Variants in SLC20A2 observed in about 807,000 individuals in gnomAD.
The protein encoded by SLC20A2 is sodium-dependent phosphate transporter 2.
In SLC20A2, 30 loss-of-function variants were observed where a neutral mutation model predicts 61.0. The ratio of observed to expected loss-of-function variants is 0.49; its 90% CI spans 0.37 to 0.67. SLC20A2 has a LOEUF of 0.67. Among genes scored for constraint, SLC20A2 ranks in the 30% least tolerant of loss-of-function variants. The pLI is 0.00. For missense variants in SLC20A2, 626 were observed against 866.4 expected (o/e 0.72, Z 3.48); for synonymous variants, 351 against 353.3 (o/e 0.99, Z 0.07).
intron 5 of SLC20A2, among the ~76,000 whole-genome samples, chr8:42,455,267 G>C (rs199914167): frequency 9.0e-6 from 1 of 111,672 alleles, no homozygotes; most frequent in Non-Finnish European, 2.1e-5. Flanking sequence ...TAGAGAGAGA[G>C]AGAGAGAGAG....
intron 1 of SLC20A2, among the ~76,000 whole-genome samples, chr8:42,533,612 C>T (rs1026774407): frequency 1.4e-5 from 2 of 145,748 alleles, no homozygotes; most frequent in Non-Finnish European, 3.0e-5. Context: ...ACCTGGGCAA[C>T]AAACTGTCCA....
chr8:42,495,012 A>G (rs1299234494), intron 1 of SLC20A2, among the ~76,000 whole-genome samples: 1 of 150,896 alleles, frequency 6.6e-6, no homozygotes, highest in Admixed American at 6.6e-5. Flanking sequence ...ACACTTGGCT[A>G]ATTTTTTTGT....
chr8:42,437,227 G>A lies in SLC20A2; in HGVS notation c.1285C>T (p.Arg429Cys), dbSNP rs773208227. ...CAGTAGCTCGAGTAGCTGTCGTAGCGCAGCCTCTTCTTGGAGTAGGACACG... is the reference window on the plus strand; with the variant it reads ...CAGTAGCTCGAGTAGCTGTCGTAGCACAGCCTCTTCTTGGAGTAGGACACG... ...DTVSYSKKRL[R>C]YDSYSSYCNA... Residue 429 changes from arginine (R) to cysteine (C), a missense_variant, in exon 8 of 11, where the codon CGC becomes TGC. Physicochemically the swap from Arg to Cys is radical, Grantham distance 180 (BLOSUM62 -3). Around this residue, in one of 3 missense-constraint regions of SLC20A2, gnomAD observed 361 missense variants for 422.3 expected, o/e 0.85. Transcript: ENST00000520262. The surrounding 1 kb of genome is among the most constrained non-coding windows in gnomAD (Gnocchi z 6.4). 2.0e-5 allele frequency: 32 copies of A among 1,613,606 alleles called. No individual in the cohort carries two copies. The highest frequency in any genetic ancestry group is 2.7e-5 in the Non-Finnish European group (32 of 1,180,032).
chr8:42,466,858 C>T (rs1037453629), intron 2 of SLC20A2, among the ~76,000 whole-genome samples: 1 of 149,048 alleles, frequency 6.7e-6, no homozygotes, highest in African/African-American at 2.6e-5. Context: ...TTTGCAGAGA[C>T]AGGATTTTGC....
At chr8:42,518,130 T>C (rs898724081) in intron 1 of SLC20A2, among the ~76,000 whole-genome samples, 2 of 151,992 alleles carry the variant, frequency 1.3e-5, no homozygotes, top group African/African-American at 2.4e-5. Flanking sequence ...TTAGTAGAGA[T>C]GGGGTTTCGC....
At position 42,541,518 on chromosome 8, in the gene SLC20A2, GA is replaced by G. The variant is rs34936218; in HGVS notation, c.-265+302del. 5.0e-3 allele frequency: 625 copies of G among 125,782 alleles called. 2 individuals are homozygous for G. The highest frequency in any genetic ancestry group is 7.6e-3 in the South Asian group (30 of 3,922). The allele number at this position is 125,782 out of a possible 1,614,324, so 7.8% of individuals were successfully genotyped here. On this transcript the variant is annotated intron_variant, in intron 1 of 10. Coordinates refer to the SLC20A2 transcript ENST00000342228. Reference sequence around the variant, plus strand: ...GCTCAAAAAACTGAAAAGGGGAAAGGAAAAAAAAAAAAAAAAGACCTGGCTC... The same window carrying G: ...GCTCAAAAAACTGAAAAGGGGAAAGGAAAAAAAAAAAAAAAGACCTGGCTC...
At chr8:42,511,082 C>T (rs949744460) in intron 1 of SLC20A2, among the ~76,000 whole-genome samples, 1 of 151,960 alleles carries the variant, frequency 6.6e-6, no homozygotes, top group Non-Finnish European at 1.5e-5. Flanking sequence ...AAAGGACCCT[C>T]AAAATGACAG....
upstream of SLC20A2, among the ~76,000 whole-genome samples, chr8:42,503,651 C>T (rs1307426692): frequency 6.6e-6 from 1 of 152,060 alleles, no homozygotes; most frequent in African/African-American, 2.4e-5. Context: ...GTTTGTACTG[C>T]CCCAAGCCTG....
intron 5 of SLC20A2, among the ~76,000 whole-genome samples, chr8:42,456,685 T>C (rs1012597544): frequency 1.0e-4 from 15 of 146,006 alleles, no homozygotes; most frequent in Non-Finnish European, 1.9e-4. Flanking sequence ...TGAGCTGAGA[T>C]CATGCCATTG....
In SLC20A2 at chr8:42,447,460, A is replaced by T. The variant is rs374566739; in HGVS notation, c.614-2698T>A. 9.1e-4 allele frequency among the ~76,000 whole-genome samples: 138 copies of T among 152,206 alleles called. 1 individual carries two copies. Among genetic ancestry groups the T allele is most frequent in the Middle Eastern group, 3.4e-3 (1 of 294 alleles). ...TGGGAGGCCAAGGCGGGCAGATCAC[A>T]AGGTCAGGAGATGGAGACCATCCTG... is the stretch of plus-strand genomic sequence containing the variant. On this transcript the variant is annotated intron_variant, in intron 5 of 10. Coordinates refer to ENST00000520262, the MANE Select transcript of SLC20A2 (RefSeq NM_001257180.2).
In SLC20A2 at chr8:42,437,002, C is replaced by T; in HGVS notation, c.1510G>A (p.Gly504Ser). The change falls in exon 8 of 11, where the codon GGC becomes AGC. Residue 504 changes from glycine to serine, a missense_variant. By Grantham distance (56) the Gly-to-Ser change is moderately conservative. Transcript: ENST00000520262. The surrounding 1 kb of genome is among the most constrained non-coding windows in gnomAD (Gnocchi z 6.4). The part of the protein sequence containing the change: ...TACFGSFAHG[G>S]NDVSNAIGPL... The stretch of plus-strand genomic sequence containing the variant: ...GAAAGCACCCACCTCACGTCATTGC[C>T]GCCGTGAGCAAAGGACCCGAAACAG... The T allele has an allele frequency of 1.9e-6, 3 of 1,602,518 alleles. No individual in the cohort carries two copies. The highest frequency in any genetic ancestry group is 2.6e-6 in the Non-Finnish European group (3 of 1,173,410).
intron 10 of SLC20A2, among the ~76,000 whole-genome samples, chr8:42,420,870 C>T (rs1802993850): frequency 6.6e-6 from 1 of 152,194 alleles, no homozygotes; most frequent in Non-Finnish European, 1.5e-5. Flanking sequence ...CAGTTCTAGC[C>T]CCTCCTCCCA....
At chr8:42,425,615 G>A (rs902784181) in intron 10 of SLC20A2, among the ~76,000 whole-genome samples, 9 of 152,078 alleles carry the variant, frequency 5.9e-5, no homozygotes, top group African/African-American at 1.2e-4. Flanking sequence ...CAATGATATC[G>A]GACAAACTTA....
intron 1 of SLC20A2, among the ~76,000 whole-genome samples, chr8:42,482,519 TGG>T (rs1440754239): frequency 2.0e-5 from 3 of 152,088 alleles, no homozygotes; most frequent in African/African-American, 4.8e-5. Flanking sequence ...CCCGTCAAGG[TGG>T]GCGGATCACT....
At chr8:42,504,500 G>T (rs996728461), upstream of SLC20A2, among the ~76,000 whole-genome samples, 3 of 152,040 alleles carry the variant, frequency 2.0e-5, no homozygotes, top group African/African-American at 7.2e-5. Context: ...AAAAAAGAGA[G>T]AAGAAGAATT....
chr8:42,431,165 T>G (rs61028341), intron 8 of SLC20A2, among the ~76,000 whole-genome samples: 7,373 of 152,316 alleles, frequency 0.048, 539 homozygotes, highest in African/African-American at 0.16. Context: ...ACTAGGCCTC[T>G]TGGGCCAAAC....
At chr8:42,471,382 C>G (rs979370822) in intron 2 of SLC20A2, among the ~76,000 whole-genome samples, 1 of 152,220 alleles carries the variant, frequency 6.6e-6, no homozygotes, top group African/African-American at 2.4e-5. Context: ...ACACAGTTCA[C>G]ACACCTCCAC....
chr8:42,418,229 T>G (rs1230112521), intron 10 of SLC20A2, among the ~76,000 whole-genome samples: 1 of 152,204 alleles, frequency 6.6e-6, no homozygotes, highest in African/African-American at 2.4e-5. Flanking sequence ...TGCAGTGGTG[T>G]GATCTCAGCT....
chr8:42,529,460 T>C (rs1812193832), intron 1 of SLC20A2, among the ~76,000 whole-genome samples: 1 of 152,160 alleles, frequency 6.6e-6, no homozygotes, highest in Non-Finnish European at 1.5e-5. Flanking sequence ...AATTACATAA[T>C]AGCAATGGGT....
Sources: allele counts gnomAD v4.1 joint callset (sites outside exome capture counted in the v4.1 genomes callset), GRCh38; gene constraint gnomAD v4.1.1; regional missense constraint gnomAD v4.1.1; non-coding constraint Gnocchi (gnomAD v3.1); transcripts MANE v1.5; gene names NCBI Gene and HGNC (gene_info 2026-07-23, HGNC 2026-07-21).